XKR4: variants seen among roughly 807,000 people sequenced by gnomAD.
XKR4 encodes XK-related protein 4.
A neutral mutation model predicts 53.9 loss-of-function variants in XKR4; 12 were observed. That is an observed-to-expected ratio of 0.22 (90% CI 0.14 to 0.36). The LOEUF (loss-of-function observed/expected upper bound fraction) is 0.36. Among genes scored for constraint, XKR4 ranks in the 10% least tolerant of loss-of-function variants. The pLI is 1.00. For missense variants in XKR4, 799 were observed against 859.5 expected (o/e 0.93, Z 0.88); for synonymous variants, 354 against 362.4 (o/e 0.98, Z 0.26).
intron 2 of XKR4, among the ~76,000 whole-genome samples, chr8:55,412,968 C>T (rs566163504): frequency 9.2e-5 from 14 of 152,316 alleles, no homozygotes; most frequent in Admixed American, 1.3e-4. Context: ...CAGAACGATC[C>T]TCATGTTTAA....
chr8:55,141,999 C>CA (rs1165188753), intron 1 of XKR4: 2 of 441,060 alleles, frequency 4.5e-6, no homozygotes, highest in Non-Finnish European at 9.1e-6. Flanking sequence ...GTGATAAAGC[C>CA]ATCTCTGGGC....
intron 1 of XKR4, among the ~76,000 whole-genome samples, chr8:55,269,836 G>A (rs1818661788): frequency 6.6e-6 from 1 of 152,128 alleles, no homozygotes; most frequent in Non-Finnish European, 1.5e-5. Context: ...GTTAATAATG[G>A]CATTGAGGGA....
chr8:55,483,310 T>C (rs560114838), intron 2 of XKR4, among the ~76,000 whole-genome samples: 100 of 152,298 alleles, frequency 6.6e-4, no homozygotes, highest in African/African-American at 2.4e-3. Flanking sequence ...TAAGGTAGCT[T>C]TGCAACTGTT....
At chr8:55,495,096 G>T (rs1332782184) in intron 2 of XKR4, among the ~76,000 whole-genome samples, 1 of 152,186 alleles carries the variant, frequency 6.6e-6, no homozygotes, top group African/African-American at 2.4e-5. Flanking sequence ...TCCAGAGCGG[G>T]CTGAGGTAGC....
chr8:55,535,701 T>C lies in XKR4; in HGVS notation c.*11474T>C, dbSNP rs1449143245. On this transcript the variant is annotated 3_prime_UTR_variant, in exon 3 of 3. Coordinates refer to ENST00000327381, the MANE Select transcript of XKR4 (RefSeq NM_052898.2). ...AGAAAACCTGTCAGTGGCTCATCCA[T>C]AGTATTTGCCTTTTCACAGAGCAGA... 1 of 152,234 alleles carries C rather than the reference T, an allele frequency of 6.6e-6. No individual in the cohort carries two copies. The highest frequency in any genetic ancestry group is 1.9e-4 in the East Asian group (1 of 5,186). 9.4% of individuals were successfully genotyped at this position (152,234 alleles called of 1,614,324 possible).
intron 2 of XKR4, among the ~76,000 whole-genome samples, chr8:55,444,675 G>C (rs950653370): frequency 6.6e-6 from 1 of 152,184 alleles, no homozygotes; most frequent in African/African-American, 2.4e-5. Context: ...CAATGCCAAG[G>C]GTTGGTTAGT....
intron 2 of XKR4, among the ~76,000 whole-genome samples, chr8:55,506,342 G>A (rs1806526358): frequency 6.6e-6 from 1 of 152,158 alleles, no homozygotes; most frequent in South Asian, 2.1e-4. Flanking sequence ...TCAGATACCA[G>A]CCACAAGGTT....
At chr8:55,454,800 G>C in intron 2 of XKR4, 2 of 771,500 alleles carry the variant, frequency 2.6e-6, no homozygotes. Flanking sequence ...GGGCAGATGG[G>C]CAGGCTCTGT....
chr8:55,209,019 T>C (rs1214367942), intron 1 of XKR4, among the ~76,000 whole-genome samples: 1 of 152,170 alleles, frequency 6.6e-6, no homozygotes, highest in Non-Finnish European at 1.5e-5. Flanking sequence ...TTGGTCTTTT[T>C]TTCTCTCATG....
intron 1 of XKR4, among the ~76,000 whole-genome samples, chr8:55,246,711 G>GTC (rs577004786): frequency 7.1e-6 from 1 of 141,684 alleles, no homozygotes; most frequent in Non-Finnish European, 1.6e-5. Flanking sequence ...CCCCATTAAA[G>GTC]TCTTTTTTTT....
At position 55,451,385 on chromosome 8, in the gene XKR4, C is replaced by T. The variant is rs941224482; in HGVS notation, c.1007-71896C>T. On this transcript the variant is annotated intron_variant, in intron 2 of 2. Coordinates refer to ENST00000327381, the MANE Select transcript of XKR4 (RefSeq NM_052898.2). ...CTCCCCACGTGGGCTGAGGAGAAGC[C>T]GCTAAGTGTGTTGCGTCCGGACGCA... 2.3e-5 allele frequency: 18 copies of T among 781,482 alleles called. No homozygotes were observed. The Admixed American group carries it at 3.2e-4, about 14-fold the overall frequency. 48.4% of individuals were successfully genotyped at this position (781,482 alleles called of 1,614,324 possible).
intron 2 of XKR4, among the ~76,000 whole-genome samples, chr8:55,421,161 G>C (rs1804923070): frequency 6.6e-6 from 1 of 152,160 alleles, no homozygotes; most frequent in South Asian, 2.1e-4. Context: ...ACTTCCGCTT[G>C]TAAAGTGTTC....
chr8:55,106,182 G>A (rs1816144072), intron 1 of XKR4, among the ~76,000 whole-genome samples: 1 of 152,128 alleles, frequency 6.6e-6, no homozygotes, highest in South Asian at 2.1e-4. Flanking sequence ...AATTATTTTA[G>A]GGAAGGACCA....
Position 55,540,336 on chromosome 8 carries a change from C to T in XKR4, c.*16109C>T, listed in dbSNP as rs765354952. ...TCTTTTGATCAAAAGGAGTGTCTCC[C>T]AATTAGTTTACGTGTGTTAGTATTG... On this transcript the variant is annotated 3_prime_UTR_variant, in exon 3 of 3. Transcript: ENST00000327381. The T allele has an allele frequency of 2.0e-5, 3 of 152,090 alleles. No homozygotes were observed. The highest frequency in any genetic ancestry group is 4.4e-5 in the Non-Finnish European group (3 of 68,014). The allele number at this position is 152,090 out of a possible 1,614,324, so 9.4% of individuals were successfully genotyped here.
At chr8:55,166,797 A>C (rs370106139) in intron 1 of XKR4, among the ~76,000 whole-genome samples, 2 of 152,116 alleles carry the variant, frequency 1.3e-5, no homozygotes, top group Non-Finnish European at 1.5e-5. Context: ...CAGTGGGTGA[A>C]GAGAAGGAGA....
intron 2 of XKR4, among the ~76,000 whole-genome samples, chr8:55,514,095 G>T (rs1806673248): frequency 6.6e-6 from 1 of 152,152 alleles, no homozygotes; most frequent in South Asian, 2.1e-4. Context: ...GAAAAAGTGT[G>T]CCACCCCTGG....
chr8:55,504,431 T>G (rs890300033), intron 2 of XKR4, among the ~76,000 whole-genome samples: 1 of 151,564 alleles, frequency 6.6e-6, no homozygotes, highest in Non-Finnish European at 1.5e-5. Context: ...GCCAGACTGG[T>G]CTCCAACTCC....
intron 1 of XKR4, among the ~76,000 whole-genome samples, chr8:55,203,033 C>T (rs1342641304): frequency 6.6e-6 from 1 of 152,188 alleles, no homozygotes; most frequent in Non-Finnish European, 1.5e-5. Context: ...TGCTTGTTCC[C>T]TGTGTAGCAA....
intron 1 of XKR4, among the ~76,000 whole-genome samples, chr8:55,192,552 G>C (rs529497662): frequency 6.6e-6 from 1 of 152,234 alleles, no homozygotes; most frequent in South Asian, 2.1e-4. Flanking sequence ...CTGAAATACA[G>C]AGCCATGTGA....
Sources: allele counts gnomAD v4.1 joint callset (sites outside exome capture counted in the v4.1 genomes callset), GRCh38; gene constraint gnomAD v4.1.1; transcripts MANE v1.5; gene names NCBI Gene and HGNC (gene_info 2026-07-23, HGNC 2026-07-21).